The following SEL1L3 variants were observed in gnomAD, a reference collection of about 807,000 sequenced individuals.
The protein encoded by SEL1L3 is protein sel-1 homolog 3.
In SEL1L3, 76 loss-of-function variants were observed where a neutral mutation model predicts 142.8. The observed-to-expected ratio is 0.53, with a 90% CI of 0.44 to 0.64. The LOEUF is 0.64. Among genes scored for constraint, SEL1L3 ranks in the 30% least tolerant of loss-of-function variants. The probability of loss-of-function intolerance (pLI) is 0.00; values close to 1 mark genes in which losing one functional copy is unlikely to be tolerated. For missense variants in SEL1L3, 1,262 were observed against 1,381.7 expected, an observed-to-expected ratio of 0.91 and a Z score of 1.37; for synonymous variants, 504 against 519.6, an observed-to-expected ratio of 0.97 and a Z score of 0.41.
In SEL1L3 at chr4:25,771,016, T is replaced by C. The variant is rs906142145; in HGVS notation, c.2670-3186A>G. On this transcript the variant is annotated intron_variant, in intron 17 of 23. Coordinates refer to ENST00000399878, the MANE Select transcript of SEL1L3 (RefSeq NM_015187.5). ...TGCTTAACTGTGTTTCAACAGCTTA[T>C]TAAAACTTCTGAGACAATGCCTCTG... is the stretch of plus-strand genomic sequence containing the variant. 2.6e-5 allele frequency among the ~76,000 whole-genome samples: 4 copies of C among 152,258 alleles called. No individual in the cohort carries two copies. The East Asian group carries it at 5.8e-4, about 22-fold the overall frequency.
rs1247622294 is a variant in SEL1L3, at chr4:25,788,875, T to C, written c.2077-511A>G. On this transcript the variant is annotated intron_variant, in intron 12 of 23. Coordinates refer to ENST00000399878, the MANE Select transcript of SEL1L3 (RefSeq NM_015187.5). The surrounding 1 kb of genome is among the most constrained non-coding windows in gnomAD (Gnocchi z 5.3). ...GGGAGGAACCTCAAGATGTTACTTA[T>C]CTTTGTCCCTGTCTGTTAGCCCCCC... is the stretch of plus-strand genomic sequence containing the variant. 6.6e-6 allele frequency among the ~76,000 whole-genome samples: 1 copy of C among 152,156 alleles called. No individual in the cohort carries two copies. The highest frequency in any genetic ancestry group is 1.5e-5 in the Non-Finnish European group (1 of 68,028).
At chr4:25,859,859 C>T (rs1342695481) in intron 1 of SEL1L3, among the ~76,000 whole-genome samples, 4 of 152,192 alleles carry the variant, frequency 2.6e-5, no homozygotes, top group East Asian at 1.9e-4. Context: ...CTGTGGCCTG[C>T]GCTTCCTGCT....
At chr4:25,859,258 G>A (rs775187324) in intron 1 of SEL1L3, among the ~76,000 whole-genome samples, 20 of 152,286 alleles carry the variant, frequency 1.3e-4, no homozygotes, top group Admixed American at 3.3e-4. Context: ...TTTTGCTTTC[G>A]AGGCCCTCTC....
chr4:25,863,427 C>T (rs763264261), upstream of SEL1L3: 3 of 700,194 alleles, frequency 4.3e-6, no homozygotes, highest in South Asian at 4.5e-5. Context: ...CTTCCTCTCC[C>T]ACCCACCCCT....
chr4:25,841,285 C>T (rs1343003509), intron 2 of SEL1L3, among the ~76,000 whole-genome samples: 1 of 152,246 alleles, frequency 6.6e-6, no homozygotes, highest in Non-Finnish European at 1.5e-5. Flanking sequence ...CTGCCTGCCT[C>T]AGCCTCCCAA....
At chr4:25,750,790 G>A (rs942410866) in intron 23 of SEL1L3, among the ~76,000 whole-genome samples, 2 of 152,144 alleles carry the variant, frequency 1.3e-5, no homozygotes, top group Admixed American at 6.5e-5. Flanking sequence ...GGAAACAGCA[G>A]GAAAAGGTTT....
the SEL1L3 span, among the ~76,000 whole-genome samples, chr4:25,733,523 CTTT>C: frequency 1.6e-5 from 2 of 121,938 alleles, no homozygotes; most frequent in Non-Finnish European, 1.6e-5. Context: ...TATTCCTTAG[CTTT>C]TTTTTTTTTT....
At chr4:25,755,452 C>T (rs933633010) in intron 23 of SEL1L3, among the ~76,000 whole-genome samples, 2 of 152,042 alleles carry the variant, frequency 1.3e-5, no homozygotes, top group Non-Finnish European at 1.5e-5. Context: ...CTCTCTGCCT[C>T]AGTTTCCTCA....
chr4:25,715,586 T>C, the SEL1L3 span, among the ~76,000 whole-genome samples: 4 of 152,124 alleles, frequency 2.6e-5, no homozygotes, highest in Non-Finnish European at 5.9e-5. Context: ...TCCCTAGACA[T>C]CTACACACGC....
chr4:25,769,059 A>ACTC (rs1474873510), intron 17 of SEL1L3, among the ~76,000 whole-genome samples: 1 of 152,038 alleles, frequency 6.6e-6, no homozygotes, highest in Non-Finnish European at 1.5e-5. Context: ...TAAGAGTAAA[A>ACTC]CTCTATTTTA....
At chr4:25,719,838 A>G in the SEL1L3 span, 1 of 152,188 alleles carries the variant, frequency 6.6e-6, no homozygotes, top group Admixed American at 6.6e-5. Flanking sequence ...CAGACAGCAA[A>G]TACTAGGAGG....
chr4:25,773,089 G>A (rs558167765), intron 17 of SEL1L3, among the ~76,000 whole-genome samples: 11 of 152,196 alleles, frequency 7.2e-5, no homozygotes, highest in Admixed American at 3.9e-4. Flanking sequence ...GCACCACCAC[G>A]CCCAGCAAGA....
intron 9 of SEL1L3, among the ~76,000 whole-genome samples, chr4:25,814,426 A>G (rs10000609): frequency 0.23 from 34,855 of 152,190 alleles, 9,812 homozygotes; most frequent in African/African-American, 0.66. Flanking sequence ...AGTGCCTACA[A>G]TAAGAATTCC....
At chr4:25,784,807 G>C (rs569002107) in intron 13 of SEL1L3, among the ~76,000 whole-genome samples, 1 of 152,352 alleles carries the variant, frequency 6.6e-6, no homozygotes, top group South Asian at 2.1e-4. Flanking sequence ...GGTTGCCTCA[G>C]ATGTAACTAA....
At chr4:25,833,831 C>T (rs1715599442) in intron 3 of SEL1L3, among the ~76,000 whole-genome samples, 1 of 152,104 alleles carries the variant, frequency 6.6e-6, no homozygotes, top group Non-Finnish European at 1.5e-5. Flanking sequence ...TGTTTCTCTG[C>T]CTCTTTGAGA....
chr4:25,728,154 GT>G, the SEL1L3 span, among the ~76,000 whole-genome samples: 2 of 152,110 alleles, frequency 1.3e-5, no homozygotes, highest in Admixed American at 6.6e-5. Flanking sequence ...AAGGCCCCAG[GT>G]TTGTCCCCTG....
intron 1 of SEL1L3, among the ~76,000 whole-genome samples, chr4:25,856,322 C>T (rs905907460): frequency 2.0e-5 from 3 of 152,130 alleles, no homozygotes; most frequent in Non-Finnish European, 4.4e-5. Context: ...AGTCTAAATG[C>T]ACCGCAACTC....
At chr4:25,726,325 C>G in the SEL1L3 span, among the ~76,000 whole-genome samples, 1 of 151,730 alleles carries the variant, frequency 6.6e-6, no homozygotes, top group Non-Finnish European at 1.5e-5. Flanking sequence ...GTCAGGAGTT[C>G]AAGACCAGCC....
chr4:25,862,422 G>C (rs1378824737), intron 1 of SEL1L3, among the ~76,000 whole-genome samples: 1 of 152,120 alleles, frequency 6.6e-6, no homozygotes, highest in Non-Finnish European at 1.5e-5. Flanking sequence ...CCCGACCCGG[G>C]TCTAGAGAGA....
Sources: allele counts gnomAD v4.1 joint callset (sites outside exome capture counted in the v4.1 genomes callset), GRCh38; gene constraint gnomAD v4.1.1; non-coding constraint Gnocchi (gnomAD v3.1); transcripts MANE v1.5; gene names NCBI Gene and HGNC (gene_info 2026-07-23, HGNC 2026-07-21).